PP2D1: variants seen among roughly 807,000 people sequenced by gnomAD.
PP2D1 encodes the protein protein phosphatase 2C like domain containing 1.
PP2D1 carries 25 observed loss-of-function variants against 30.2 expected under a neutral mutation model. The ratio of observed to expected loss-of-function variants is 0.83; its 90% CI spans 0.60 to 1.16. The LOEUF is 1.16. Ranked by LOEUF, PP2D1 falls within the 50% of genes most tolerant of loss-of-function variation. The pLI, the probability that PP2D1 is intolerant of heterozygous loss-of-function variation, is 0.00. For synonymous variants in PP2D1, 260 were observed against 258.9 expected (o/e 1.00, Z -0.04); for missense variants, 760 against 742.4 (o/e 1.02, Z -0.28).
At chr3:19,983,582 A>G, downstream of PP2D1, 1 of 678,504 alleles carries the variant, frequency 1.5e-6, no homozygotes, top group South Asian at 1.8e-5. Context: ...TTTGAAAAGA[A>G]TGAACATATG....
At chr3:20,011,418 G>A (rs980636116) in intron 1 of PP2D1, among the ~76,000 whole-genome samples, 1 of 151,934 alleles carries the variant, frequency 6.6e-6, no homozygotes, top group Admixed American at 6.6e-5. Context: ...TTTTCCATAC[G>A]CCGGGGACAG....
intron 1 of PP2D1, among the ~76,000 whole-genome samples, chr3:20,005,757 G>A (rs946861388): frequency 2.6e-5 from 4 of 151,908 alleles, no homozygotes; most frequent in Non-Finnish European, 2.9e-5. Context: ...GGTATGCATC[G>A]TCATGTTCTT....
chr3:19,997,785 C>G (rs149843367), intron 2 of PP2D1, among the ~76,000 whole-genome samples: 1 of 152,136 alleles, frequency 6.6e-6, no homozygotes, highest in African/African-American at 2.4e-5. Flanking sequence ...TACATGTTCT[C>G]TCTCATATGT....
In PP2D1 at chr3:19,996,403, G is replaced by T. The variant is rs1346854581; in HGVS notation, c.1090+4627C>A. The stretch of plus-strand genomic sequence containing the variant: ...TGGACTAGGAGGAAATAGAAAACCT[G>T]AACAGACAAATAACAAGTAGCAGGA... On this transcript the variant is annotated intron_variant, in intron 2 of 2. Transcript: ENST00000389050. 3.3e-5 allele frequency among the ~76,000 whole-genome samples: 5 copies of T among 152,164 alleles called. No homozygotes were observed. The South Asian group carries it at 6.2e-4, about 19-fold the overall frequency.
Position 19,985,656 on chromosome 3 carries a change from A to G in PP2D1, c.1617T>C (p.Tyr539=), listed in dbSNP as rs568195780. ...CAGGGTTATAAATACAGTATTTAGA[A>G]TAGTTTGAATCGGATAAATTTTCTT... ...NSKENLSDSN[Y]SKYCIYNPEN... Residue 539 remains tyrosine (Y), a synonymous_variant, in exon 3 of 3, where the codon TAT becomes TAC. Transcript: ENST00000389050. 1.2e-5 allele frequency: 19 copies of G among 1,535,958 alleles called. No individual in the cohort carries two copies. In the South Asian group the frequency reaches 2.1e-4, roughly 17 times the overall value.
chr3:19,986,374 A>C (rs941593459), intron 2 of PP2D1, among the ~76,000 whole-genome samples, 192 bp from the exon 3 acceptor site: 9 of 152,220 alleles, frequency 5.9e-5, no homozygotes, highest in African/African-American at 2.2e-4. Flanking sequence ...CAAACAGGTC[A>C]ATTTATCCCT....
At chr3:19,985,286 T>G (rs1559495243), downstream of PP2D1, 11 of 849,180 alleles carry the variant, frequency 1.3e-5, no homozygotes, top group East Asian at 2.7e-4. Context: ...GTTCATAAAA[T>G]TATTTGCATG....
rs530021190 is a variant in PP2D1, at chr3:19,986,285, CAGAA to C, written c.1091-107_1091-104del. 345 of 793,610 alleles carry C rather than the reference CAGAA, an allele frequency of 4.3e-4. 4 individuals are homozygous for C. In the African/African-American group the frequency reaches 5.3e-3, roughly 12 times the overall value. The allele number at this position is 793,610 out of a possible 1,614,324, so 49.2% of individuals were successfully genotyped here. A position where few individuals can be genotyped will look rare whatever the true frequency, so the allele number is the denominator to read the frequency against. ...GTAAATTCTGTGTTTCAATGCTAAA[CAGAA>C]AGCAGGCTATGTAAAAGTACGTTTA... On this transcript the variant is annotated intron_variant, in intron 2 of 2. Coordinates refer to ENST00000389050, the MANE Select transcript of PP2D1 (RefSeq NM_001252657.2).
At chr3:19,998,662 A>G (rs17006452) in intron 2 of PP2D1, among the ~76,000 whole-genome samples, 3,439 of 152,300 alleles carry the variant, frequency 0.023, 126 homozygotes, top group African/African-American at 0.078. Context: ...CACAAATTCA[A>G]CCTGTATTCA....
At position 19,985,907 on chromosome 3, in the gene PP2D1, C is replaced by T. The variant is rs1697025893; in HGVS notation, c.1366G>A (p.Gly456Arg). ...LCQFLIVATN[G>R]LWEVLDKEEV... ...TCTTTATCCAAAACTTCCCAAAGTC[C>T]ATTAGTAGCTACAATAAGGAATTGA... Residue 456 changes from glycine to arginine, a missense_variant, in exon 3 of 3, where the codon GGA becomes AGA. Physicochemically the swap from Gly to Arg is moderately radical, Grantham distance 125 (BLOSUM62 -2). Coordinates refer to ENST00000389050, the MANE Select transcript of PP2D1 (RefSeq NM_001252657.2). The T allele has an allele frequency of 6.5e-7, 1 of 1,536,390 alleles. No individual in the cohort carries two copies. The highest frequency in any genetic ancestry group is 8.7e-7 in the Non-Finnish European group (1 of 1,146,970).
chr3:20,001,482 G>T lies in PP2D1; in HGVS notation c.638C>A (p.Ala213Asp), dbSNP rs753748406. 1 of 1,536,178 alleles carries T rather than the reference G, an allele frequency of 6.5e-7. No individual in the cohort carries two copies. Among genetic ancestry groups the T allele is most frequent in the South Asian group, 1.2e-5 (1 of 84,056 alleles). The part of the protein sequence containing the change: ...FFGLFDGHHG[A>D]SAAELTSMEL... The stretch of plus-strand genomic sequence containing the variant: ...CATTGATGTCAACTCTGCCGCTGAG[G>T]CACCGTGATGTCCATCAAACAAACC... The change falls in exon 2 of 3, where the codon GCC (alanine) becomes GAC (aspartate). Residue 213 changes from alanine to aspartate, a missense_variant. Around this residue, in one of 3 missense-constraint regions of PP2D1, gnomAD observed 374 missense variants for 388.8 expected, o/e 0.96. Coordinates refer to ENST00000389050, the MANE Select transcript of PP2D1 (RefSeq NM_001252657.2).
At chr3:19,989,139 G>A (rs1163776711) in intron 2 of PP2D1, among the ~76,000 whole-genome samples, 1 of 152,090 alleles carries the variant, frequency 6.6e-6, no homozygotes, top group Non-Finnish European at 1.5e-5. Flanking sequence ...TTTGAGACCA[G>A]CCTGGCCAAC....
chr3:19,985,002 G>C (rs1257630620), downstream of PP2D1: 1 of 187,390 alleles, frequency 5.3e-6, no homozygotes, highest in Non-Finnish European at 1.1e-5. Flanking sequence ...AATTATTTTA[G>C]GTATTTTCAT....
Position 20,001,640 on chromosome 3 carries a change from A to T in PP2D1, c.480T>A (p.Ser160=). The change falls in exon 2 of 3, where the codon TCT becomes TCA. Residue 160 remains serine, a synonymous_variant. Transcript: ENST00000389050. ...FDNIDRSVIY[S]QKICHLLIKG... ...TAATTAACAGATGACATATTTTTTGAGAATATATGACACTCCTGTCAATGT... is the reference window on the plus strand; with the variant it reads ...TAATTAACAGATGACATATTTTTTGTGAATATATGACACTCCTGTCAATGT... 5 of 1,536,264 alleles carry T rather than the reference A, an allele frequency of 3.3e-6. No individual in the cohort carries two copies. The highest frequency in any genetic ancestry group is 3.5e-6 in the Non-Finnish European group (4 of 1,146,882).
rs939132953 is a variant in PP2D1 at position 19,985,497 on chromosome 3, G to A, written c.1776C>T (p.Gly592=). Residue 592 remains glycine (G), a synonymous_variant, in exon 3 of 3, where the codon GGC becomes GGT. Transcript: ENST00000389050. ...GTTCATGGCTAACATACTCAGCTGCGCCTTCATAGAAACTCTTAGTGTCTG... is the reference window on the plus strand; with the variant it reads ...GTTCATGGCTAACATACTCAGCTGCACCTTCATAGAAACTCTTAGTGTCTG... ...KESDTKSFYE[G]AAEYVSHELV... is the part of the protein sequence containing the mutation. 3.8e-5 allele frequency: 59 copies of A among 1,535,874 alleles called. No homozygotes were observed. Among genetic ancestry groups the A allele is most frequent in the African/African-American group, 5.5e-5 (4 of 73,030 alleles).
At chr3:19,980,684 A>G (rs1696908852), downstream of PP2D1, among the ~76,000 whole-genome samples, 1 of 152,178 alleles carries the variant, frequency 6.6e-6, no homozygotes, top group Non-Finnish European at 1.5e-5. Context: ...TATACAATAT[A>G]TAGTGCTATT....
chr3:20,003,906 C>A (rs1169423983), intron 1 of PP2D1, among the ~76,000 whole-genome samples: 3 of 151,860 alleles, frequency 2.0e-5, no homozygotes, highest in Non-Finnish European at 4.4e-5. Flanking sequence ...ACAAAAGAAT[C>A]AAAAAGTTGT....
intron 2 of PP2D1, among the ~76,000 whole-genome samples, chr3:19,996,254 A>G (rs1697178958): frequency 6.6e-6 from 1 of 152,172 alleles, no homozygotes; most frequent in South Asian, 2.1e-4. Context: ...AAAAGGAGAC[A>G]TTACAACAGA....
intron 1 of PP2D1, among the ~76,000 whole-genome samples, chr3:20,010,951 T>C (rs1697378679): frequency 6.6e-6 from 1 of 152,220 alleles, no homozygotes; most frequent in Non-Finnish European, 1.5e-5. Context: ...GCTGTCCATA[T>C]GCTCATCCAG....
Sources: gnomAD v4.1 joint callset for allele counts (sites outside exome capture counted in the v4.1 genomes callset) on GRCh38, gnomAD v4.1.1 for gene constraint, gnomAD v4.1.1 regional missense constraint, MANE v1.5 for transcripts, NCBI Gene and HGNC (gene_info 2026-07-23, HGNC 2026-07-21) for gene names.